Variants in IL1RAP observed in about 807,000 individuals in gnomAD.
The protein encoded by IL1RAP is interleukin 1 receptor accessory protein.
Under a neutral mutation model 60.7 loss-of-function variants are expected in IL1RAP, and 35 were observed. The observed-to-expected ratio is 0.58, with a 90% CI of 0.44 to 0.76. The LOEUF (loss-of-function observed/expected upper bound fraction) is 0.76, where lower values mean the gene tolerates loss of function less well. Ranked by LOEUF, IL1RAP falls within the 30% of genes least tolerant of loss-of-function variation. IL1RAP has a pLI of 0.00. For synonymous variants in IL1RAP, 268 were observed against 250.9 expected (o/e 1.07, Z -0.64); for missense variants, 572 against 693.9 (o/e 0.82, Z 1.97).
chr3:190,654,229 C>CA (rs1734530411), downstream of IL1RAP, among the ~76,000 whole-genome samples: 1 of 150,212 alleles, frequency 6.7e-6, no homozygotes, highest in African/African-American at 2.5e-5. Flanking sequence ...CACACACACA[C>CA]AATTTGCATG....
rs41372847 is a variant in IL1RAP, at chr3:190,648,962, G to C, written c.*257G>C. On this transcript the variant is annotated 3_prime_UTR_variant, in exon 12 of 12. Coordinates refer to ENST00000447382, the MANE Select transcript of IL1RAP (RefSeq NM_002182.4). ...TTGCAGGCAAAGACTTGTTCAATGC[G>C]AATTTCCCCTTCTACATTGTCTATC... is the stretch of plus-strand genomic sequence containing the variant. 5.3e-3 allele frequency: 6,354 copies of C among 1,200,956 alleles called. 166 individuals are homozygous for C. The East Asian group carries it at 0.059, about 11-fold the overall frequency. 74.4% of individuals were successfully genotyped at this position (1,200,956 alleles called of 1,614,324 possible). A position where few individuals can be genotyped will look rare whatever the true frequency, so the allele number is the denominator to read the frequency against.
intron 3 of IL1RAP, among the ~76,000 whole-genome samples, chr3:190,566,716 C>T (rs1345063945): frequency 6.6e-6 from 1 of 152,180 alleles, no homozygotes; most frequent in Non-Finnish European, 1.5e-5. Flanking sequence ...AGTGATGCCA[C>T]TTCCTAGTTG....
intron 5 of IL1RAP, among the ~76,000 whole-genome samples, chr3:190,619,682 G>A (rs1321539997): frequency 2.0e-5 from 3 of 150,748 alleles, no homozygotes; most frequent in Non-Finnish European, 2.9e-5. Flanking sequence ...CTGAGATCAC[G>A]CCACTGCACT....
intron 1 of IL1RAP, among the ~76,000 whole-genome samples, chr3:190,541,343 A>G (rs1723921374): frequency 6.6e-6 from 1 of 152,172 alleles, no homozygotes. Context: ...AGTAATTGCA[A>G]GTTGGCCAAA....
chr3:190,644,357 A>G lies in IL1RAP; in HGVS notation c.1161A>G (p.Leu387=), dbSNP rs748876593. 3 of 1,614,016 alleles carry G rather than the reference A, an allele frequency of 1.9e-6. No homozygotes were observed. The highest frequency in any genetic ancestry group is 4.5e-5 in the East Asian group (2 of 44,874). The change falls in exon 10 of 12, where the codon CTA becomes CTG. Residue 387 remains leucine, a synonymous_variant. Coordinates refer to ENST00000447382, the MANE Select transcript of IL1RAP (RefSeq NM_002182.4). The stretch of plus-strand genomic sequence containing the variant: ...ATGTTTACTGGCTAGAGATGGTCCT[A>G]TTTTACCGGGCTCATTTTGGAACAG... The part of the protein sequence containing the change: ...VYHVYWLEMV[L]FYRAHFGTDE...
intron 3 of IL1RAP, among the ~76,000 whole-genome samples, chr3:190,587,354 AG>A (rs1208062562): frequency 3.3e-5 from 5 of 152,250 alleles, no homozygotes; most frequent in Non-Finnish European, 5.9e-5. Context: ...TATCTGAAAG[AG>A]GCATTATGAA....
intron 1 of IL1RAP, among the ~76,000 whole-genome samples, chr3:190,529,981 C>T (rs1170148225): frequency 1.3e-5 from 2 of 152,180 alleles, no homozygotes; most frequent in East Asian, 3.9e-4. Context: ...GAGGCCTAGA[C>T]AGACCCTCTG....
At chr3:190,586,910 T>A (rs1271038746) in intron 3 of IL1RAP, among the ~76,000 whole-genome samples, 2 of 152,226 alleles carry the variant, frequency 1.3e-5, no homozygotes, top group Non-Finnish European at 2.9e-5. Context: ...TGCCTTCCGA[T>A]GCTGGGAGGT....
Position 190,648,460 on chromosome 3 carries a change from A to G in IL1RAP, c.1468A>G (p.Met490Val). 1 of 1,614,156 alleles carries G rather than the reference A, an allele frequency of 6.2e-7. No individual in the cohort carries two copies. The highest frequency in any genetic ancestry group is 1.1e-5 in the South Asian group (1 of 91,078). Residue 490 changes from methionine (M) to valine (V), a missense_variant, in exon 12 of 12, where the codon ATG becomes GTG. By Grantham distance (21) the Met-to-Val change is conservative. Coordinates refer to ENST00000447382, the MANE Select transcript of IL1RAP (RefSeq NM_002182.4). ...GGAGCTCAAGGCTGGCCTAGAAAAT[A>G]TGGCCTCTCGGGGCAACATCAACGT... ...LLELKAGLEN[M>V]ASRGNINVIL... is the part of the protein sequence containing the mutation.
At position 190,602,047 on chromosome 3, in the gene IL1RAP, T is replaced by C. The variant is rs969057553; in HGVS notation, c.65-2081T>C. 3.3e-5 allele frequency among the ~76,000 whole-genome samples: 5 copies of C among 152,138 alleles called. No homozygotes were observed. In the South Asian group the frequency reaches 6.2e-4, roughly 19 times the overall value. ...GATGGCTGGTGAGATAGACTCTTGATTGGAAAACTTACAGTTTCAAATTGC... is the reference window on the plus strand; with the variant it reads ...GATGGCTGGTGAGATAGACTCTTGACTGGAAAACTTACAGTTTCAAATTGC... On this transcript the variant is annotated intron_variant, in intron 3 of 11. Transcript: ENST00000447382.
At chr3:190,616,874 C>T (rs1039482180) in intron 5 of IL1RAP, among the ~76,000 whole-genome samples, 1 of 152,124 alleles carries the variant, frequency 6.6e-6, no homozygotes, top group Non-Finnish European at 1.5e-5. Context: ...TTTCCGACCA[C>T]GCAGATATGG....
chr3:190,569,416 T>C (rs923403944), intron 3 of IL1RAP, among the ~76,000 whole-genome samples: 3 of 152,180 alleles, frequency 2.0e-5, no homozygotes, highest in African/African-American at 7.2e-5. Context: ...CAGTTGCCCA[T>C]GGCTGGTCAT....
intron 3 of IL1RAP, among the ~76,000 whole-genome samples, chr3:190,576,399 C>CTT (rs1553841721): frequency 6.6e-6 from 1 of 151,768 alleles, no homozygotes; most frequent in Non-Finnish European, 1.5e-5. Context: ...CACACACACG[C>CTT]ACATTTTAAT....
rs181586515 is a variant in IL1RAP, at chr3:190,643,589, A to G, written c.1052-659A>G. ...GTTCACAATCAGATATTGCAAGTTCACCTCTAGAATATGTACTGAAGAACT... is the reference window on the plus strand; with the variant it reads ...GTTCACAATCAGATATTGCAAGTTCGCCTCTAGAATATGTACTGAAGAACT... On this transcript the variant is annotated intron_variant, in intron 9 of 11. Coordinates refer to ENST00000447382, the MANE Select transcript of IL1RAP (RefSeq NM_002182.4). Among the ~76,000 whole-genome samples the G allele has an allele frequency of 5.3e-5, 8 of 152,320 alleles. No individual in the cohort carries two copies. The East Asian group carries it at 1.5e-3, about 29-fold the overall frequency.
At chr3:190,616,732 T>C (rs1440376094) in intron 5 of IL1RAP, among the ~76,000 whole-genome samples, 1 of 152,198 alleles carries the variant, frequency 6.6e-6, no homozygotes, top group African/African-American at 2.4e-5. Flanking sequence ...ATATTCCAAA[T>C]ACTCATCAGC....
intron 3 of IL1RAP, among the ~76,000 whole-genome samples, chr3:190,569,047 C>T (rs192117304): frequency 1.3e-5 from 2 of 152,248 alleles, no homozygotes; most frequent in African/African-American, 2.4e-5. Flanking sequence ...TAGGAAGAAA[C>T]GCATCTCTTA....
intron 1 of IL1RAP, among the ~76,000 whole-genome samples, chr3:190,547,882 C>G (rs1385704192): frequency 6.6e-6 from 1 of 152,170 alleles, no homozygotes; most frequent in Non-Finnish European, 1.5e-5. Context: ...CTGCCCATCT[C>G]TCTGTGTAAT....
chr3:190,571,419 G>A lies in IL1RAP; in HGVS notation c.64+7066G>A, dbSNP rs1279119180. Among the ~76,000 whole-genome samples the A allele has an allele frequency of 2.0e-5, 3 of 152,136 alleles. No homozygotes were observed. In the East Asian group the frequency reaches 5.8e-4, roughly 29 times the overall value. On this transcript the variant is annotated intron_variant, in intron 3 of 11. Transcript: ENST00000447382. ...TAGTCCCAGCTAATCAGGAGGCTGAGGTGGGAGGATCACTTGAGACTGGCC... is the reference window on the plus strand; with the variant it reads ...TAGTCCCAGCTAATCAGGAGGCTGAAGTGGGAGGATCACTTGAGACTGGCC...
intron 3 of IL1RAP, among the ~76,000 whole-genome samples, chr3:190,584,416 T>C (rs964614128): frequency 6.6e-6 from 1 of 152,212 alleles, no homozygotes; most frequent in Admixed American, 6.5e-5. Context: ...ATTAGGTATG[T>C]TTAACCTAAT....
Sources: allele counts gnomAD v4.1 joint callset (sites outside exome capture counted in the v4.1 genomes callset), GRCh38; gene constraint gnomAD v4.1.1; transcripts MANE v1.5; gene names NCBI Gene and HGNC (gene_info 2026-07-23, HGNC 2026-07-21).